The following KIT variants were observed in gnomAD, a reference collection of about 807,000 sequenced individuals.
KIT encodes KIT proto-oncogene, receptor tyrosine kinase.
Under a neutral mutation model 105.7 loss-of-function variants are expected in KIT, and 16 were observed. That is an observed-to-expected ratio of 0.15 (90% confidence interval 0.10 to 0.23). The LOEUF is 0.23. Ranked by LOEUF, KIT falls within the 10% of genes least tolerant of loss-of-function variation. The pLI, the probability that KIT is intolerant of heterozygous loss-of-function variation, is 1.00. For synonymous variants in KIT, 438 were observed against 441.1 expected (o/e 0.99, Z 0.09); for missense variants, 858 against 1,213.8 (o/e 0.71, Z 4.36).
At chr4:54,736,676 T>A in intron 18 of KIT, 45 bp from the exon 19 acceptor site, 1 of 1,601,660 alleles carries the variant, frequency 6.2e-7, no homozygotes. Flanking sequence ...TTCATTGGTG[T>A]CCTGCTTCCT....
At chr4:54,726,980 C>A (rs1237469606) in intron 9 of KIT, among the ~76,000 whole-genome samples, 2 of 152,074 alleles carry the variant, frequency 1.3e-5, no homozygotes, top group Admixed American at 6.6e-5. Flanking sequence ...TAAATTATTC[C>A]TTTTCTACAG....
chr4:54,689,687 G>C (rs1384823380), intron 1 of KIT, among the ~76,000 whole-genome samples: 2 of 152,180 alleles, frequency 1.3e-5, no homozygotes, highest in African/African-American at 2.4e-5. Flanking sequence ...AAGAATTGTT[G>C]AGTTTTTAAA....
At chr4:54,716,283 G>T (rs1322209699) in intron 7 of KIT, among the ~76,000 whole-genome samples, 1 of 152,114 alleles carries the variant, frequency 6.6e-6, no homozygotes, top group Admixed American at 6.5e-5. Flanking sequence ...TTTGCTCTAA[G>T]GCTGCAACAG....
At chr4:54,683,697 T>G (rs1242417907) in intron 1 of KIT, among the ~76,000 whole-genome samples, 1 of 152,208 alleles carries the variant, frequency 6.6e-6, no homozygotes, top group Non-Finnish European at 1.5e-5. Flanking sequence ...TGCTGCTGGG[T>G]CCTCTTAGTA....
chr4:54,676,865 G>C (rs1402324070), intron 1 of KIT, among the ~76,000 whole-genome samples: 1 of 152,134 alleles, frequency 6.6e-6, no homozygotes, highest in East Asian at 1.9e-4. Context: ...TCCACTGCCA[G>C]GGGCCTCATG....
intron 7 of KIT, among the ~76,000 whole-genome samples, chr4:54,712,977 GT>G (rs2109727573): frequency 1.3e-5 from 2 of 152,194 alleles, no homozygotes; most frequent in African/African-American, 4.8e-5. Context: ...TTGGACAGAG[GT>G]AGTAGCATTT....
chr4:54,705,718 A>T (rs1720742861), intron 5 of KIT, among the ~76,000 whole-genome samples: 1 of 152,060 alleles, frequency 6.6e-6, no homozygotes, highest in Admixed American at 6.6e-5. Context: ...CCCCATTTCT[A>T]CAAAAAATAC....
chr4:54,732,934 G>T (rs2109800028), intron 16 of KIT, 136 bp from the exon 17 acceptor site: 2 of 651,826 alleles, frequency 3.1e-6, no homozygotes, highest in South Asian at 3.9e-5. Context: ...TTTATTTTTG[G>T]TGTACTGAAT....
intron 1 of KIT, among the ~76,000 whole-genome samples, chr4:54,689,153 G>A (rs1013817417): frequency 6.6e-6 from 1 of 152,200 alleles, no homozygotes; most frequent in Non-Finnish European, 1.5e-5. Context: ...TAATTCAATA[G>A]TAGACTTTCT....
At chr4:54,718,068 G>A (rs79337593) in intron 7 of KIT, among the ~76,000 whole-genome samples, 9,220 of 152,172 alleles carry the variant, frequency 0.061, 898 homozygotes, top group African/African-American at 0.21. Context: ...ATAGCCTGCT[G>A]GCCAGAATTG....
chr4:54,720,615 A>G (rs1721807921), intron 7 of KIT, among the ~76,000 whole-genome samples: 1 of 152,242 alleles, frequency 6.6e-6, no homozygotes, highest in Non-Finnish European at 1.5e-5. Context: ...ACTTTTCATC[A>G]CCTTACTACC....
Position 54,704,028 on chromosome 4 carries a change from C to T in KIT, c.925+136C>T, listed in dbSNP as rs1720628704. The T allele has an allele frequency of 4.9e-6, 4 of 824,390 alleles. No individual in the cohort carries two copies. The Admixed American group carries it at 7.8e-5, about 16-fold the overall frequency. 51.1% of individuals were successfully genotyped at this position (824,390 alleles called of 1,614,324 possible). A position where few individuals can be genotyped will look rare whatever the true frequency, so the allele number is the denominator to read the frequency against. On this transcript the variant is annotated intron_variant, in intron 5 of 20. Transcript: ENST00000288135. ...TTATCACTGAATGAATGAAAATTAT[C>T]CTTGTAGCCTCTTGCAATGAAAGCA...
rs1196528364 is a variant in KIT, at chr4:54,737,294, G to A, written c.2802+14G>A. The stretch of plus-strand genomic sequence containing the variant: ...AGCACCAATCATGTGAGTATACCCT[G>A]GCCAGGCATAGAATCCCCCTTCTCC... On this transcript the variant is annotated intron_variant, in intron 20 of 20. Transcript: ENST00000288135. 6.5e-7 allele frequency: 1 copy of A among 1,543,320 alleles called. No homozygotes were observed. Among genetic ancestry groups the A allele is most frequent in the East Asian group, 2.2e-5 (1 of 44,546 alleles).
chr4:54,691,884 G>C (rs1719735579), intron 1 of KIT, among the ~76,000 whole-genome samples: 1 of 152,068 alleles, frequency 6.6e-6, no homozygotes, highest in Non-Finnish European at 1.5e-5. Context: ...AGAATGCTAG[G>C]ATGTGCTGCC....
intron 1 of KIT, among the ~76,000 whole-genome samples, chr4:54,660,236 C>T (rs1280035925): frequency 6.6e-6 from 1 of 152,148 alleles, no homozygotes; most frequent in Non-Finnish European, 1.5e-5. Context: ...GTGGCTTATG[C>T]TTACTGCCCT....
intron 8 of KIT, 60 bp from the exon 9 acceptor site, chr4:54,725,797 G>A (rs954390664): frequency 1.4e-6 from 2 of 1,445,558 alleles, no homozygotes; most frequent in Admixed American, 1.8e-5. Context: ...CATCCCAAGT[G>A]TTTTATGTAT....
intron 1 of KIT, among the ~76,000 whole-genome samples, chr4:54,694,912 C>G (rs1043863952): frequency 2.6e-5 from 4 of 152,148 alleles, no homozygotes; most frequent in Non-Finnish European, 5.9e-5. Flanking sequence ...AGTTTCCTAT[C>G]TAGGAAACCT....
At chr4:54,733,840 A>G (rs1722753433) in intron 17 of KIT, among the ~76,000 whole-genome samples, 1 of 152,190 alleles carries the variant, frequency 6.6e-6, no homozygotes, top group African/African-American at 2.4e-5. Flanking sequence ...ATAGAGGCTG[A>G]AACTAGAGCC....
chr4:54,711,165 G>C (rs557571776), intron 7 of KIT, among the ~76,000 whole-genome samples: 1 of 152,256 alleles, frequency 6.6e-6, no homozygotes, highest in East Asian at 1.9e-4. Context: ...ACAGGAGTGA[G>C]CCACAACACT....
Sources: gnomAD v4.1 joint callset for allele counts (sites outside exome capture counted in the v4.1 genomes callset) on GRCh38, gnomAD v4.1.1 for gene constraint, MANE v1.5 for transcripts, NCBI Gene and HGNC (gene_info 2026-07-23, HGNC 2026-07-21) for gene names.